Variants in MXD3 observed in about 807,000 individuals in gnomAD.
MXD3 encodes Max-associated protein 3.
MXD3 carries 20 observed loss-of-function variants against 27.5 expected under a neutral mutation model. The observed-to-expected ratio is 0.73, with a 90% CI of 0.51 to 1.06. MXD3 has a LOEUF of 1.06. MXD3 is among the 50% of genes least tolerant of loss of function. The probability of loss-of-function intolerance (pLI) is 0.00; values close to 1 mark genes in which losing one functional copy is unlikely to be tolerated. For synonymous variants in MXD3, 150 were observed against 130.7 expected, an observed-to-expected ratio of 1.15 and a Z score of -1.01; for missense variants, 298 against 291.3, an observed-to-expected ratio of 1.02 and a Z score of -0.17.
intron 2 of MXD3, 111 bp from the exon 3 acceptor site, chr5:177,310,808 C>T: frequency 7.8e-7 from 1 of 1,280,320 alleles, no homozygotes; most frequent in Non-Finnish European, 1.1e-6. Context: ...CCAAACAAGT[C>T]CCCTGTGGAG....
At chr5:177,307,027 T>C, downstream of MXD3, 1 of 1,443,716 alleles carries the variant, frequency 6.9e-7, no homozygotes, top group Non-Finnish European at 9.1e-7. Flanking sequence ...GCGAGTCACG[T>C]CACTCAGCCT....
rs149939805 is a variant in MXD3 at position 177,307,836 on chromosome 5, C to T, written c.450G>A (p.Arg150=). Residue 150 remains arginine (R), a synonymous_variant, in exon 5 of 6, where the codon CGG becomes CGA. Transcript: ENST00000439742. The stretch of plus-strand genomic sequence containing the variant: ...GGCCTGAGGAGTCCAGACTGTCCGC[C>T]CGCAGCCGCTCCCGCTCGGCCGCCC... ...LAGAAERERL[R]ADSLDSSGLS... The T allele has an allele frequency of 6.1e-5, 98 of 1,611,842 alleles. No homozygotes were observed. The African/African-American group carries it at 1.2e-3, about 20-fold the overall frequency.
upstream of MXD3, chr5:177,312,044 G>A (rs1761052303): frequency 4.8e-6 from 6 of 1,243,292 alleles, no homozygotes; most frequent in African/African-American, 3.2e-5. Flanking sequence ...GCCCCGCCCC[G>A]AGTGGTCTCA....
Position 177,307,455 on chromosome 5 carries a change from T to C in MXD3, c.*133A>G. 1 of 1,527,266 alleles carries C rather than the reference T, an allele frequency of 6.5e-7. No individual in the cohort carries two copies. The highest frequency in any genetic ancestry group is 8.8e-7 in the Non-Finnish European group (1 of 1,135,210). 94.6% of individuals were successfully genotyped at this position (1,527,266 alleles called of 1,614,324 possible). On this transcript the variant is annotated 3_prime_UTR_variant, in exon 6 of 6. Transcript: ENST00000439742. Reference sequence around the variant, plus strand: ...CAGCAGGGTGTTTGGGGAGCACCTGTTCCCACACAAGGGTCCTTTTAGTCC... The same window carrying C: ...CAGCAGGGTGTTTGGGGAGCACCTGCTCCCACACAAGGGTCCTTTTAGTCC...
chr5:177,311,618 C>T (rs1430250514), intron 1 of MXD3, 134 bp from the exon 2 acceptor site: 1 of 1,151,338 alleles, frequency 8.7e-7, no homozygotes, highest in African/African-American at 1.6e-5. Context: ...CTCTACCGCC[C>T]CGGGACTCCT....
In MXD3 at chr5:177,307,331, ATGCTTGGGCTCGGGCCCAAGCTGCC is replaced by A. The variant is rs1760906332; in HGVS notation, c.*232_*256del. On this transcript the variant is annotated 3_prime_UTR_variant, in exon 6 of 6. Transcript: ENST00000439742. ...GTCCCCTTGGGGGCAGCAGAGCCAA[ATGCTTGGGCTCGGGCCCAAGCTGCC>A]TGCCCTGCAGGGGTCCAGGGAGGTC... 3.2e-6 allele frequency: 5 copies of A among 1,541,836 alleles called. No homozygotes were observed. The highest frequency in any genetic ancestry group is 3.5e-6 in the Non-Finnish European group (4 of 1,139,720).
chr5:177,311,579 G>T, intron 1 of MXD3, 95 bp from the exon 2 acceptor site: 1 of 1,203,450 alleles, frequency 8.3e-7, no homozygotes, highest in Non-Finnish European at 1.1e-6. Context: ...GGCTTTTGGC[G>T]CCAGGACCAT....
At chr5:177,308,129 G>A in intron 4 of MXD3, 165 bp from the exon 5 acceptor site, 1 of 645,306 alleles carries the variant, frequency 1.5e-6, no homozygotes, top group Non-Finnish European at 2.6e-6. Flanking sequence ...CCTCCAGAAA[G>A]CCAGCCCCTT....
At chr5:177,308,871 G>A (rs916713382) in intron 4 of MXD3, among the ~76,000 whole-genome samples, 3 of 152,068 alleles carry the variant, frequency 2.0e-5, no homozygotes, top group African/African-American at 4.8e-5. Context: ...CCTACCTCCC[G>A]CCAAGCTCTG....
At chr5:177,309,019 A>C (rs1760971876) in intron 4 of MXD3, among the ~76,000 whole-genome samples, 1 of 152,226 alleles carries the variant, frequency 6.6e-6, no homozygotes, top group Non-Finnish European at 1.5e-5. Context: ...GCGTAGAAAG[A>C]TAAGAGCTGC....
At chr5:177,311,551 A>G (rs1379497514) in intron 1 of MXD3, 67 bp from the exon 2 acceptor site, 2 of 1,297,582 alleles carry the variant, frequency 1.5e-6, no homozygotes, top group African/African-American at 3.1e-5. Flanking sequence ...AGCCCCAGGC[A>G]CAGCACGGTC....
chr5:177,306,274 G>C, downstream of MXD3: 1 of 1,561,690 alleles, frequency 6.4e-7, no homozygotes, highest in Non-Finnish European at 8.8e-7. Context: ...TCTGAGCTGG[G>C]ACTCCTTGTC....
intron 4 of MXD3, among the ~76,000 whole-genome samples, chr5:177,308,404 G>A (rs1303834911): frequency 2.0e-5 from 3 of 151,046 alleles, no homozygotes; most frequent in East Asian, 1.9e-4. Flanking sequence ...ACAGAGTCTC[G>A]CTCTGTCGCC....
downstream of MXD3, chr5:177,305,701 A>G: frequency 1.6e-6 from 1 of 623,324 alleles, no homozygotes; most frequent in Non-Finnish European, 2.8e-6. Flanking sequence ...GAGCAAAACG[A>G]CCTTATTTAT....
At chr5:177,306,522 C>G (rs144966419), downstream of MXD3, 2,805 of 1,612,642 alleles carry the variant, frequency 1.7e-3, 31 homozygotes, top group African/African-American at 0.031. Flanking sequence ...AGGACCTCGC[C>G]AGCAAGGCGG....
In MXD3 at chr5:177,311,417, C is replaced by A. The variant is rs1162191085; in HGVS notation, c.138G>T (p.Lys46Asn). The A allele has an allele frequency of 1.4e-6, 2 of 1,439,344 alleles. No homozygotes were observed. The highest frequency in any genetic ancestry group is 1.8e-6 in the Non-Finnish European group (2 of 1,102,666). The allele number at this position is 1,439,344 out of a possible 1,614,324, so 89.2% of individuals were successfully genotyped here. A position where few individuals can be genotyped will look rare whatever the true frequency, so the allele number is the denominator to read the frequency against. Residue 46 changes from lysine to asparagine, a missense_variant, in exon 2 of 6, where the codon AAG (lysine) becomes AAT (asparagine). Physicochemically the swap from Lys to Asn is moderately conservative, Grantham distance 94. Transcript: ENST00000439742. ...GCGCGCCAGGAGCCTGGGGGGGTCGCTTCTTCCTCCTGTGGATGGGGCCTG... is the reference window on the plus strand; with the variant it reads ...GCGCGCCAGGAGCCTGGGGGGGTCGATTCTTCCTCCTGTGGATGGGGCCTG... ...RSPGPIHRRK[K>N]RPPQAPGAQD...
rs901982477 is a variant in MXD3 at position 177,311,262 on chromosome 5, G to A, written c.176+117C>T. ...GGGAGATGGCAGGAGGGGTCTGAAC[G>A]CTTCCTGGAGCGGGACACCTGGCCC... On this transcript the variant is annotated intron_variant, in intron 2 of 5. Transcript: ENST00000439742. 2.1e-5 allele frequency: 13 copies of A among 608,256 alleles called. 1 individual carries two copies. Among genetic ancestry groups the A allele is most frequent in the Middle Eastern group, 4.4e-4 (1 of 2,252 alleles). The allele number at this position is 608,256 out of a possible 1,614,324, so 37.7% of individuals were successfully genotyped here.
chr5:177,311,691 G>A, intron 1 of MXD3, 70 bp downstream of exon 1: 2 of 1,501,002 alleles, frequency 1.3e-6, no homozygotes, highest in Non-Finnish European at 1.8e-6. Flanking sequence ...TTCAAGCTGG[G>A]AGCCAGGTCC....
chr5:177,307,162 T>C, downstream of MXD3: 1 of 1,548,322 alleles, frequency 6.5e-7, no homozygotes, highest in African/African-American at 1.4e-5. Context: ...AGTGGGTCTG[T>C]GGTTGGGAGT....
Sources: gnomAD v4.1 joint callset for allele counts (sites outside exome capture counted in the v4.1 genomes callset) on GRCh38, gnomAD v4.1.1 for gene constraint, MANE v1.5 for transcripts, NCBI Gene and HGNC (gene_info 2026-07-23, HGNC 2026-07-21) for gene names.